Variants in CPED1 observed in about 807,000 individuals in gnomAD.
The protein encoded by CPED1 is cadherin-like and PC-esterase domain-containing protein 1.
In CPED1, 114 loss-of-function variants were observed where a neutral mutation model predicts 128.2. The observed-to-expected ratio is 0.89, with a 90% CI of 0.76 to 1.04. The LOEUF is 1.04. Ranked by LOEUF, CPED1 falls within the 50% of genes least tolerant of loss-of-function variation. The pLI is 0.00. For synonymous variants in CPED1, 462 were observed against 426.7 expected, an observed-to-expected ratio of 1.08 and a Z score of -1.02; for missense variants, 1,211 against 1,207.1, an observed-to-expected ratio of 1.00 and a Z score of -0.05.
chr7:121,089,038 A>T (rs1039487300), intron 5 of CPED1, among the ~76,000 whole-genome samples: 1 of 152,160 alleles, frequency 6.6e-6, no homozygotes, highest in African/African-American at 2.4e-5. Flanking sequence ...GTCCTCATCT[A>T]TGAGGAGTGA....
At chr7:121,226,760 T>G (rs1798024380) in intron 16 of CPED1, among the ~76,000 whole-genome samples, 1 of 152,130 alleles carries the variant, frequency 6.6e-6, no homozygotes, top group Admixed American at 6.6e-5. Flanking sequence ...AAATGTGATA[T>G]CTCAAGGGTG....
At chr7:121,048,349 G>A (rs1307574017) in intron 4 of CPED1, among the ~76,000 whole-genome samples, 1 of 152,130 alleles carries the variant, frequency 6.6e-6, no homozygotes, top group African/African-American at 2.4e-5. Context: ...CAGCGCTTCT[G>A]TTTCGTTTGT....
At chr7:121,129,673 A>G (rs1473155314) in intron 11 of CPED1, among the ~76,000 whole-genome samples, 1 of 151,974 alleles carries the variant, frequency 6.6e-6, no homozygotes, top group Non-Finnish European at 1.5e-5. Context: ...ATTTTGCAAG[A>G]GAAAGAGAAA....
chr7:121,007,158 T>G (rs1792039230), intron 2 of CPED1, among the ~76,000 whole-genome samples: 1 of 151,478 alleles, frequency 6.6e-6, no homozygotes, highest in Non-Finnish European at 1.5e-5. Context: ...GGAGCCTCAC[T>G]GGAGCCGAAG....
At chr7:121,145,961 G>T (rs963696909) in intron 16 of CPED1, among the ~76,000 whole-genome samples, 1 of 151,944 alleles carries the variant, frequency 6.6e-6, no homozygotes, top group Non-Finnish European at 1.5e-5. Flanking sequence ...TTATTTATAG[G>T]TCAAAGGGAA....
chr7:121,099,182 A>C (rs953430114), intron 6 of CPED1, among the ~76,000 whole-genome samples: 28 of 152,066 alleles, frequency 1.8e-4, no homozygotes, highest in African/African-American at 6.5e-4. Flanking sequence ...GAGAAGAAAA[A>C]ATAGAGCAAA....
chr7:121,204,906 T>C (rs1296641168), intron 16 of CPED1, among the ~76,000 whole-genome samples: 1 of 152,074 alleles, frequency 6.6e-6, no homozygotes, highest in Non-Finnish European at 1.5e-5. Context: ...CAGATAAATA[T>C]AACCAAAAGA....
chr7:121,282,670 C>T (rs1194841613), intron 22 of CPED1, among the ~76,000 whole-genome samples: 1 of 152,182 alleles, frequency 6.6e-6, no homozygotes, highest in Non-Finnish European at 1.5e-5. Flanking sequence ...GGAATAATAG[C>T]TGTGTGAACA....
intron 14 of CPED1, among the ~76,000 whole-genome samples, chr7:121,140,294 A>G (rs1795871669): frequency 6.6e-6 from 1 of 151,958 alleles, no homozygotes; most frequent in Admixed American, 6.6e-5. Context: ...CAGTTTCAGG[A>G]TGCCTTTGTT....
chr7:121,066,290 T>C lies in CPED1; in HGVS notation c.616+1977T>C, dbSNP rs564867538. 2.0e-5 allele frequency among the ~76,000 whole-genome samples: 3 copies of C among 152,214 alleles called. No homozygotes were observed. The East Asian group carries it at 5.8e-4, about 29-fold the overall frequency. On this transcript the variant is annotated intron_variant, in intron 5 of 22. Transcript: ENST00000310396. ...CCAGTGATTTTAGCTCTGCCACTTA[T>C]TCTCTGTGTGACTTCAGGGGTTTTT...
At chr7:121,171,155 A>C (rs1038054955) in intron 16 of CPED1, among the ~76,000 whole-genome samples, 4 of 152,166 alleles carry the variant, frequency 2.6e-5, no homozygotes, top group African/African-American at 9.7e-5. Context: ...TCATTAAATG[A>C]TTTGTAAAGT....
intron 18 of CPED1, among the ~76,000 whole-genome samples, chr7:121,259,666 G>A (rs996026636): frequency 6.6e-6 from 1 of 151,898 alleles, no homozygotes; most frequent in African/African-American, 2.4e-5. Context: ...AAATAGTTTA[G>A]AAATATGACA....
rs539201940 is a variant in CPED1, at chr7:121,141,125, T to G, written c.1886+112T>G. ...TGATTCATAAGATCAGTTGAAAGAT[T>G]GCCAGGATGTGAACTTTCCCCTTCT... On this transcript the variant is annotated intron_variant, in intron 15 of 22. Coordinates refer to ENST00000310396, the MANE Select transcript of CPED1 (RefSeq NM_024913.5). 3.7e-4 allele frequency: 284 copies of G among 769,074 alleles called. 3 individuals carry two copies. The highest frequency in any genetic ancestry group is 1.3e-4 in the Non-Finnish European group (65 of 513,912). 47.6% of individuals were successfully genotyped at this position (769,074 alleles called of 1,614,324 possible).
intron 10 of CPED1, among the ~76,000 whole-genome samples, chr7:121,128,127 C>T (rs1035313845): frequency 2.6e-5 from 4 of 152,078 alleles, no homozygotes; most frequent in South Asian, 2.1e-4. Context: ...TTTTATAACA[C>T]GTTAGCATCT....
rs183365015 is a variant in CPED1 at position 121,247,060 on chromosome 7, C to A, written c.2310+2722C>A. 6.7e-3 allele frequency among the ~76,000 whole-genome samples: 1,026 copies of A among 152,246 alleles called. 11 individuals carry two copies. Among genetic ancestry groups the A allele is most frequent in the Middle Eastern group, 0.01 (3 of 294 alleles). On this transcript the variant is annotated intron_variant, in intron 18 of 22. Transcript: ENST00000310396. ...TTTAACAGAGAAGTGGCACAACCAGCATTAGAAAGGCCATGCCGCAGCAGC... is the reference window on the plus strand; with the variant it reads ...TTTAACAGAGAAGTGGCACAACCAGAATTAGAAAGGCCATGCCGCAGCAGC...
intron 16 of CPED1, among the ~76,000 whole-genome samples, chr7:121,221,328 G>A (rs929474137): frequency 6.6e-6 from 1 of 152,158 alleles, no homozygotes; most frequent in African/African-American, 2.4e-5. Flanking sequence ...ATTCCACAGT[G>A]TATATGTGCC....
intron 16 of CPED1, among the ~76,000 whole-genome samples, chr7:121,202,545 CT>C (rs988697761): frequency 4.6e-5 from 7 of 152,060 alleles, no homozygotes; most frequent in African/African-American, 1.7e-4. Context: ...AAAAAAATTA[CT>C]TTTCTATAGA....
intron 18 of CPED1, among the ~76,000 whole-genome samples, chr7:121,252,273 G>C (rs1033369718): frequency 6.6e-6 from 1 of 152,028 alleles, no homozygotes; most frequent in Admixed American, 6.6e-5. Flanking sequence ...GTAGAAAGCT[G>C]AAACTGGATC....
chr7:121,230,690 A>G (rs1482982316), intron 16 of CPED1, among the ~76,000 whole-genome samples: 1 of 152,044 alleles, frequency 6.6e-6, no homozygotes, highest in East Asian at 1.9e-4. Flanking sequence ...AGCAGAGAAG[A>G]AGAAACAAGA....
Sources: gnomAD v4.1 joint callset for allele counts (sites outside exome capture counted in the v4.1 genomes callset) on GRCh38, gnomAD v4.1.1 for gene constraint, MANE v1.5 for transcripts, NCBI Gene and HGNC (gene_info 2026-07-23, HGNC 2026-07-21) for gene names.